Variants in EPN2 observed in about 807,000 individuals in gnomAD.
EPN2 encodes the protein epsin 2.
EPN2 carries 34 observed loss-of-function variants against 61.7 expected under a neutral mutation model. The ratio of observed to expected loss-of-function variants is 0.55; its 90% confidence interval spans 0.42 to 0.73. The LOEUF is 0.73. EPN2 is among the 30% of genes least tolerant of loss of function. The pLI is 0.00. For synonymous variants in EPN2, 349 were observed against 353.6 expected, an observed-to-expected ratio of 0.99 and a Z score of 0.15; for missense variants, 714 against 839.2, an observed-to-expected ratio of 0.85 and a Z score of 1.84.
chr17:19,301,543 A>G (rs887985789), intron 4 of EPN2, among the ~76,000 whole-genome samples: 4 of 152,292 alleles, frequency 2.6e-5, no homozygotes, highest in African/African-American at 9.6e-5. Context: ...TTCTGGCCCA[A>G]GTTCCCTAGA....
At chr17:19,331,816 C>T (rs757303079) in intron 9 of EPN2, 37 bp from the exon 10 acceptor site, 1 of 1,568,386 alleles carries the variant, frequency 6.4e-7, no homozygotes, top group Non-Finnish European at 8.8e-7. Context: ...GCTCTCCCTG[C>T]CACACTCACC....
chr17:19,251,114 T>C (rs1048257149), intron 1 of EPN2, among the ~76,000 whole-genome samples: 3 of 152,186 alleles, frequency 2.0e-5, no homozygotes, highest in African/African-American at 7.2e-5. Context: ...AGCAAGTCTT[T>C]ATAGTGTACC....
intron 1 of EPN2, chr17:19,273,366 A>G (rs1240752407): frequency 6.6e-6 from 1 of 152,186 alleles, no homozygotes; most frequent in African/African-American, 2.4e-5. Context: ...CTTAGAAGAA[A>G]GTCCCAGGGG....
chr17:19,332,231 G>T (rs1431794733), intron 10 of EPN2, among the ~76,000 whole-genome samples, 163 bp downstream of exon 10: 1 of 152,092 alleles, frequency 6.6e-6, no homozygotes, highest in Non-Finnish European at 1.5e-5. Flanking sequence ...ATGGGGTGGG[G>T]TGTGGAAGCC....
At chr17:19,328,969 A>C (rs1907034775) in intron 8 of EPN2, 82 bp downstream of exon 8, 1 of 1,317,458 alleles carries the variant, frequency 7.6e-7, no homozygotes, top group South Asian at 1.4e-5. Context: ...CCTAGGCATC[A>C]GCCCTGTTGC....
At chr17:19,257,292 C>G (rs773923478) in intron 1 of EPN2, among the ~76,000 whole-genome samples, 2 of 152,080 alleles carry the variant, frequency 1.3e-5, no homozygotes, top group Non-Finnish European at 2.9e-5. Flanking sequence ...TCTACCAAAA[C>G]AGAATATATG....
chr17:19,278,913 A>T (rs1035239482), intron 1 of EPN2, among the ~76,000 whole-genome samples: 1 of 152,226 alleles, frequency 6.6e-6, no homozygotes, highest in Admixed American at 6.5e-5. Flanking sequence ...CTGGGATTAC[A>T]GTCATGAACC....
In EPN2 at chr17:19,334,071, T is replaced by C; in HGVS notation, c.1743T>C (p.Pro581=). ...PVLGTSTSFG[P]GPGVESMAVA... ...TGGGGACCAGCACATCCTTTGGGCC[T>C]GGCCCAGGAGTGGAGTCCATGGCTG... Residue 581 remains proline, a synonymous_variant, in exon 11 of 11, where the codon CCT becomes CCC. Coordinates refer to ENST00000314728, the MANE Select transcript of EPN2 (RefSeq NM_014964.5). This position sits in a 1 kb window ranked among gnomAD's most constrained non-coding sequence, Gnocchi z 4.9. 1 of 1,610,314 alleles carries C rather than the reference T, an allele frequency of 6.2e-7. No homozygotes were observed. The highest frequency in any genetic ancestry group is 8.5e-7 in the Non-Finnish European group (1 of 1,178,200).
At chr17:19,240,368 C>T (rs1421050083) in intron 1 of EPN2, among the ~76,000 whole-genome samples, 2 of 152,154 alleles carry the variant, frequency 1.3e-5, no homozygotes, top group African/African-American at 4.8e-5. Context: ...TGCCTAACCT[C>T]CCGAGTAGCT....
At chr17:19,309,214 C>T (rs1249039552) in intron 4 of EPN2, among the ~76,000 whole-genome samples, 1 of 148,850 alleles carries the variant, frequency 6.7e-6, no homozygotes, top group East Asian at 2.0e-4. Flanking sequence ...GAGATCTTGG[C>T]TCACTGCAAC....
At chr17:19,287,300 T>G (rs2045415707) in intron 4 of EPN2, among the ~76,000 whole-genome samples, 2 of 152,134 alleles carry the variant, frequency 1.3e-5, no homozygotes, top group South Asian at 4.1e-4. Flanking sequence ...TGGATTTATG[T>G]TGTCCTTCAG....
At chr17:19,290,210 T>C (rs758320647) in intron 4 of EPN2, among the ~76,000 whole-genome samples, 5 of 151,646 alleles carry the variant, frequency 3.3e-5, no homozygotes, top group Non-Finnish European at 5.9e-5. Flanking sequence ...GCCCAGGGGG[T>C]TGAGGGATTT....
chr17:19,303,598 G>T (rs1905651139), intron 4 of EPN2, among the ~76,000 whole-genome samples: 1 of 152,164 alleles, frequency 6.6e-6, no homozygotes, highest in Non-Finnish European at 1.5e-5. Flanking sequence ...CATAGATGGG[G>T]GTATGACGTC....
intron 4 of EPN2, chr17:19,308,476 TC>T: frequency 1.9e-5 from 19 of 985,420 alleles, no homozygotes; most frequent in Non-Finnish European, 2.3e-5. Context: ...CATGTAAGCC[TC>T]CACCCAACAG....
At chr17:19,278,872 A>G (rs1438958055) in intron 1 of EPN2, among the ~76,000 whole-genome samples, 1 of 152,154 alleles carries the variant, frequency 6.6e-6, no homozygotes, top group Non-Finnish European at 1.5e-5. Flanking sequence ...CCTGGCCTCA[A>G]GTGATCCTCC....
At chr17:19,322,424 G>A (rs2152236522) in intron 7 of EPN2, among the ~76,000 whole-genome samples, 1 of 152,214 alleles carries the variant, frequency 6.6e-6, no homozygotes, top group South Asian at 2.1e-4. Context: ...GCTGATCCCG[G>A]CCAAAAGTGA....
intron 1 of EPN2, among the ~76,000 whole-genome samples, chr17:19,246,672 C>T (rs953819038): frequency 2.0e-5 from 3 of 150,758 alleles, no homozygotes; most frequent in African/African-American, 4.9e-5. Context: ...AAGGCCCCTT[C>T]CGCCCCCCCC....
At chr17:19,257,695 T>G (rs1390873660) in intron 1 of EPN2, among the ~76,000 whole-genome samples, 1 of 152,072 alleles carries the variant, frequency 6.6e-6, no homozygotes, top group Non-Finnish European at 1.5e-5. Flanking sequence ...TGTTTTGTAT[T>G]TTTAGTAGAG....
chr17:19,298,234 G>T (rs1282024440), intron 4 of EPN2, among the ~76,000 whole-genome samples: 2 of 152,030 alleles, frequency 1.3e-5, no homozygotes, highest in Non-Finnish European at 2.9e-5. Flanking sequence ...TTGCTCTGTT[G>T]TCCAGGCTGG....
Sources: allele counts gnomAD v4.1 joint callset (sites outside exome capture counted in the v4.1 genomes callset), GRCh38; gene constraint gnomAD v4.1.1; non-coding constraint Gnocchi (gnomAD v3.1); transcripts MANE v1.5; gene names NCBI Gene and HGNC (gene_info 2026-07-23, HGNC 2026-07-21).